SP9: variants seen among roughly 807,000 people sequenced by gnomAD.
The protein encoded by SP9 is Sp9 transcription factor.
SP9 carries 5 observed loss-of-function variants against 23.0 expected under a neutral mutation model. That is an observed-to-expected ratio of 0.22 (90% confidence interval 0.11 to 0.46). SP9 has a LOEUF of 0.46. Among genes scored for constraint, SP9 ranks in the 20% least tolerant of loss-of-function variants. SP9 has a pLI of 0.99. For synonymous variants in SP9, 360 were observed against 356.5 expected (o/e 1.01, Z -0.11); for missense variants, 542 against 724.0 (o/e 0.75, Z 2.88).
In SP9 at chr2:174,338,267, T is replaced by G. The variant is rs1684451959; in HGVS notation, c.*727T>G. 1 of 152,222 alleles carries G rather than the reference T, an allele frequency of 6.6e-6. No homozygotes were observed. The highest frequency in any genetic ancestry group is 2.1e-4 in the South Asian group (1 of 4,834). 9.4% of individuals were successfully genotyped at this position (152,222 alleles called of 1,614,324 possible). On this transcript the variant is annotated 3_prime_UTR_variant, in exon 2 of 2. Transcript: ENST00000394967. ...CTTTTATTTTCTTGTAAATGTTCATTCGAATAGAGTTTTTTTGGGTGAATC... is the reference window on the plus strand; with the variant it reads ...CTTTTATTTTCTTGTAAATGTTCATGCGAATAGAGTTTTTTTGGGTGAATC...
In SP9 at chr2:174,336,645, C is replaced by T; in HGVS notation, c.560C>T (p.Pro187Leu). The change falls in exon 2 of 2, where the codon CCG (proline) becomes CTG (leucine). Residue 187 changes from proline (P) to leucine (L), a missense_variant. Pro to Leu is a moderately conservative substitution (Grantham distance 98, BLOSUM62 -3). Around this residue, in one of 8 missense-constraint regions of SP9, gnomAD observed 144 missense variants for 158.7 expected, o/e 0.91. Transcript: ENST00000394967. ...TCGTGGTGGGACGTGCACAGCAGCC[C>T]GGGCTCGTGGCTGGAAGTGCAGAAC... ...ASSWWDVHSS[P>L]GSWLEVQNPA... 1 of 1,494,482 alleles carries T rather than the reference C, an allele frequency of 6.7e-7. No homozygotes were observed. Among genetic ancestry groups the T allele is most frequent in the Non-Finnish European group, 8.9e-7 (1 of 1,127,020 alleles). The allele number at this position is 1,494,482 out of a possible 1,614,324, so 92.6% of individuals were successfully genotyped here.
rs35548534 is a variant in SP9, at chr2:174,336,175, G to C, written c.90G>C (p.Thr30=). The change falls in exon 2 of 2, where the codon ACG becomes ACC. Residue 30 remains threonine, a synonymous_variant. Coordinates refer to ENST00000394967, the MANE Select transcript of SP9 (RefSeq NM_001145250.2). The part of the protein sequence containing the change: ...LAATCNKIGN[T]SPLTTLPESS... Reference sequence around the variant, plus strand: ...CGACCTGCAACAAGATCGGCAACACGAGCCCGCTGACGACGCTGCCAGAGT... The same window carrying C: ...CGACCTGCAACAAGATCGGCAACACCAGCCCGCTGACGACGCTGCCAGAGT... The C allele has an allele frequency of 0.26, 407,808 of 1,550,342 alleles. 57,195 individuals are homozygous for C. Among genetic ancestry groups the C allele is most frequent in the Non-Finnish European group, 0.29 (334,079 of 1,146,366 alleles).
chr2:174,335,170 A>G, intron 1 of SP9, 57 bp downstream of exon 1: 2 of 1,543,638 alleles, frequency 1.3e-6, no homozygotes, highest in Non-Finnish European at 1.8e-6. Flanking sequence ...ATTTTTCGTT[A>G]TGGCTTCTGG....
rs146337666 is a variant in SP9 at position 174,335,290 on chromosome 2, G to T, written c.21+177G>T. On this transcript the variant is annotated intron_variant, in intron 1 of 1. Coordinates refer to ENST00000394967, the MANE Select transcript of SP9 (RefSeq NM_001145250.2). Reference sequence around the variant, plus strand: ...TCCCCAAGTTTTTGGAACCCAGAAAGATGCCTTTGCAAGAAAAGGCCTTCT... The same window carrying T: ...TCCCCAAGTTTTTGGAACCCAGAAATATGCCTTTGCAAGAAAAGGCCTTCT... The T allele has an allele frequency of 2.4e-4, 146 of 606,492 alleles. 1 individual carries two copies. In the East Asian group the frequency reaches 3.9e-3, roughly 16 times the overall value. The allele number at this position is 606,492 out of a possible 1,614,324, so 37.6% of individuals were successfully genotyped here. A position where few individuals can be genotyped will look rare whatever the true frequency, so the allele number is the denominator to read the frequency against.
At position 174,335,020 on chromosome 2, in the gene SP9, C is replaced by T. The variant is rs554003550; in HGVS notation, c.-73C>T. 19 of 1,520,682 alleles carry T rather than the reference C, an allele frequency of 1.2e-5. No individual in the cohort carries two copies. Among genetic ancestry groups the T allele is most frequent in the African/African-American group, 2.8e-5 (2 of 72,546 alleles). 94.2% of individuals were successfully genotyped at this position (1,520,682 alleles called of 1,614,324 possible). On this transcript the variant is annotated 5_prime_UTR_variant, in exon 1 of 2. Coordinates refer to ENST00000394967, the MANE Select transcript of SP9 (RefSeq NM_001145250.2). ...GCGGGGACGCGGGAGCCGCGCGGGA[C>T]CCAAGCAGTTTTTCCGAGCAGCCGC...
At position 174,337,446 on chromosome 2, in the gene SP9, GGGCGGCGGCAGCGGC is replaced by G. The variant is rs778817750; in HGVS notation, c.1386_1400del (p.Ala466_Ala470del). On this transcript the variant is annotated inframe_deletion, in exon 2 of 2. Coordinates refer to ENST00000394967, the MANE Select transcript of SP9 (RefSeq NM_001145250.2). ...CATGACTCCGGCGTCAGTGCCGCCC[GGGCGGCGGCAGCGGC>G]GGCGGCGGCAGCGGCGGCGGCGGCG... 26,473 of 1,314,248 alleles carry G rather than the reference GGGCGGCGGCAGCGGC, an allele frequency of 0.02. 2,604 individuals carry two copies. The highest frequency in any genetic ancestry group is 0.1 in the East Asian group (3,381 of 32,954). The allele number at this position is 1,314,248 out of a possible 1,614,324, so 81.4% of individuals were successfully genotyped here. A position where few individuals can be genotyped will look rare whatever the true frequency, so the allele number is the denominator to read the frequency against.
chr2:174,337,453 GGCA>G lies in SP9; in HGVS notation c.1371_1373del (p.Ala470del), dbSNP rs1396127804. 6.4e-6 allele frequency: 8 copies of G among 1,247,772 alleles called. No homozygotes were observed. Among genetic ancestry groups the G allele is most frequent in the African/African-American group, 1.6e-5 (1 of 62,848 alleles). The allele number at this position is 1,247,772 out of a possible 1,614,324, so 77.3% of individuals were successfully genotyped here. On this transcript the variant is annotated inframe_deletion, in exon 2 of 2. Coordinates refer to ENST00000394967, the MANE Select transcript of SP9 (RefSeq NM_001145250.2). ...CCGGCGTCAGTGCCGCCCGGGCGGC[GGCA>G]GCGGCGGCGGCGGCAGCGGCGGCGG...
Position 174,335,099 on chromosome 2 carries a change from A to G in SP9, c.7A>G (p.Thr3Ala). The G allele has an allele frequency of 6.4e-7, 1 of 1,551,746 alleles. No individual in the cohort carries two copies. Among genetic ancestry groups the G allele is most frequent in the Non-Finnish European group, 8.7e-7 (1 of 1,146,984 alleles). The change falls in exon 1 of 2, where the codon ACG becomes GCG. Residue 3 changes from threonine (T) to alanine (A), a missense_variant. Around this residue, in one of 8 missense-constraint regions of SP9, gnomAD observed 201 missense variants for 226.3 expected, o/e 0.89. Transcript: ENST00000394967. Reference protein sequence around the residue: MATSILGEEPRFG... With the variant: MAASILGEEPRFG... ...GCGCAGCCAGAGACCTGCTATGGCCACGTCTATACTCGGGGTAAGTCGCAA... is the reference window on the plus strand; with the variant it reads ...GCGCAGCCAGAGACCTGCTATGGCCGCGTCTATACTCGGGGTAAGTCGCAA...
In SP9 at chr2:174,337,896, C is replaced by G. The variant is rs1684446815; in HGVS notation, c.*356C>G. The G allele has an allele frequency of 6.5e-6, 1 of 154,438 alleles. No homozygotes were observed. The highest frequency in any genetic ancestry group is 2.4e-5 in the African/African-American group (1 of 41,492). The allele number at this position is 154,438 out of a possible 1,614,324, so 9.6% of individuals were successfully genotyped here. On this transcript the variant is annotated 3_prime_UTR_variant, in exon 2 of 2. Coordinates refer to ENST00000394967, the MANE Select transcript of SP9 (RefSeq NM_001145250.2). ...GCGCGCGCACACACATACCACTCGC[C>G]CAAACTTCTCGAGCGAAGAGCAATA...
At position 174,336,711 on chromosome 2, in the gene SP9, C is replaced by G; in HGVS notation, c.626C>G (p.Pro209Arg). 2 of 1,526,844 alleles carry G rather than the reference C, an allele frequency of 1.3e-6. No homozygotes were observed. Among genetic ancestry groups the G allele is most frequent in the Non-Finnish European group, 1.7e-6 (2 of 1,143,062 alleles). 94.6% of individuals were successfully genotyped at this position (1,526,844 alleles called of 1,614,324 possible). A position where few individuals can be genotyped will look rare whatever the true frequency, so the allele number is the denominator to read the frequency against. Reference sequence around the variant, plus strand: ...CAGAGCTCGCTGCACTCGGGCGCCCCCCAGGCCTCGCTGCACTCGCAGCTG... The same window carrying G: ...CAGAGCTCGCTGCACTCGGGCGCCCGCCAGGCCTCGCTGCACTCGCAGCTG... ...GLQSSLHSGA[P>R]QASLHSQLGT... Residue 209 changes from proline (P) to arginine (R), a missense_variant, in exon 2 of 2, where the codon CCC becomes CGC. Pro to Arg is a moderately radical substitution (Grantham distance 103, BLOSUM62 -2). Transcript: ENST00000394967.
Position 174,336,520 on chromosome 2 carries a change from G to A in SP9, c.435G>A (p.Leu145=), listed in dbSNP as rs1173574990. Residue 145 remains leucine (L), a synonymous_variant, in exon 2 of 2, where the codon CTG becomes CTA. Coordinates refer to ENST00000394967, the MANE Select transcript of SP9 (RefSeq NM_001145250.2). ...TGCACACGACGGCAGCCGACGGGCTGTACCCGCGCGTGGGCATGGCGCACC... is the reference window on the plus strand; with the variant it reads ...TGCACACGACGGCAGCCGACGGGCTATACCCGCGCGTGGGCATGGCGCACC... ...SKVHTTAADG[L]YPRVGMAHPY... 1 of 1,450,262 alleles carries A rather than the reference G, an allele frequency of 6.9e-7. No homozygotes were observed. The highest frequency in any genetic ancestry group is 2.7e-5 in the Admixed American group (1 of 36,818). 89.8% of individuals were successfully genotyped at this position (1,450,262 alleles called of 1,614,324 possible).
At position 174,337,700 on chromosome 2, in the gene SP9, TG is replaced by T. The variant is rs898060746; in HGVS notation, c.*161del. 1 of 931,422 alleles carries T rather than the reference TG, an allele frequency of 1.1e-6. No individual in the cohort carries two copies. Among genetic ancestry groups the T allele is most frequent in the Non-Finnish European group, 1.3e-6 (1 of 765,050 alleles). 57.7% of individuals were successfully genotyped at this position (931,422 alleles called of 1,614,324 possible). On this transcript the variant is annotated 3_prime_UTR_variant, in exon 2 of 2. Transcript: ENST00000394967. Reference sequence around the variant, plus strand: ...GTGGAGCCGCTCAGGGCTCCCGGGCTGCGGTTCGCCCGCTGTGCGAGGAGCT... The same window carrying T: ...GTGGAGCCGCTCAGGGCTCCCGGGCTCGGTTCGCCCGCTGTGCGAGGAGCT...
At position 174,338,370 on chromosome 2, in the gene SP9, TGTTGA is replaced by T. The variant is rs1406592911; in HGVS notation, c.*834_*838del. On this transcript the variant is annotated 3_prime_UTR_variant, in exon 2 of 2. Coordinates refer to ENST00000394967, the MANE Select transcript of SP9 (RefSeq NM_001145250.2). ...GTATATATGTAAAAGATATTTAAAA[TGTTGA>T]GTTATCATTTCACTCACAAACACGT... is the stretch of plus-strand genomic sequence containing the variant. The T allele has an allele frequency of 3.3e-5, 5 of 152,368 alleles. No homozygotes were observed. Among genetic ancestry groups the T allele is most frequent in the African/African-American group, 1.2e-4 (5 of 41,590 alleles). 9.4% of individuals were successfully genotyped at this position (152,368 alleles called of 1,614,324 possible). A position where few individuals can be genotyped will look rare whatever the true frequency, so the allele number is the denominator to read the frequency against.
chr2:174,337,500 C>T lies in SP9; in HGVS notation c.1415C>T (p.Ala472Val). Residue 472 changes from alanine to valine, a missense_variant, in exon 2 of 2, where the codon GCG (alanine) becomes GTG (valine). Coordinates refer to ENST00000394967, the MANE Select transcript of SP9 (RefSeq NM_001145250.2). ...AAAAAAAAAS[A>V]GGKEAASGPN... is the part of the protein sequence containing the mutation. ...GCGGCGGCGGCGGCGGCGGCCTCCGCGGGAGGCAAGGAAGCAGCGTCTGGC... is the reference window on the plus strand; with the variant it reads ...GCGGCGGCGGCGGCGGCGGCCTCCGTGGGAGGCAAGGAAGCAGCGTCTGGC... 8.4e-7 allele frequency: 1 copy of T among 1,189,786 alleles called. No homozygotes were observed. The highest frequency in any genetic ancestry group is 3.9e-5 in the East Asian group (1 of 25,464). 73.7% of individuals were successfully genotyped at this position (1,189,786 alleles called of 1,614,324 possible). A position where few individuals can be genotyped will look rare whatever the true frequency, so the allele number is the denominator to read the frequency against.
chr2:174,336,456 C>T lies in SP9; in HGVS notation c.371C>T (p.Pro124Leu). 1 of 1,479,172 alleles carries T rather than the reference C, an allele frequency of 6.8e-7. No individual in the cohort carries two copies. The highest frequency in any genetic ancestry group is 8.9e-7 in the Non-Finnish European group (1 of 1,121,620). The allele number at this position is 1,479,172 out of a possible 1,614,324, so 91.6% of individuals were successfully genotyped here. The change falls in exon 2 of 2, where the codon CCG becomes CTG. Residue 124 changes from proline (P) to leucine (L), a missense_variant. Physicochemically the swap from Pro to Leu is moderately conservative, Grantham distance 98. Coordinates refer to ENST00000394967, the MANE Select transcript of SP9 (RefSeq NM_001145250.2). ...AAAAAAAGVS[P>L]QEAGGQSAFI... The stretch of plus-strand genomic sequence containing the variant: ...GCGGCGGCAGCGGCCGGGGTGTCCC[C>T]GCAGGAGGCGGGTGGCCAGTCGGCC...
At position 174,337,638 on chromosome 2, in the gene SP9, C is replaced by T. The variant is rs966222846; in HGVS notation, c.*98C>T. ...CGAGCGGGAGGCGGGAGGGCAGGGGCTTCAGTGACGCCCCCAGGGCCCGGG... is the reference window on the plus strand; with the variant it reads ...CGAGCGGGAGGCGGGAGGGCAGGGGTTTCAGTGACGCCCCCAGGGCCCGGG... On this transcript the variant is annotated 3_prime_UTR_variant, in exon 2 of 2. Coordinates refer to ENST00000394967, the MANE Select transcript of SP9 (RefSeq NM_001145250.2). The T allele has an allele frequency of 8.6e-6, 9 of 1,045,704 alleles. No homozygotes were observed. The African/African-American group carries it at 1.0e-4, about 12-fold the overall frequency. The allele number at this position is 1,045,704 out of a possible 1,614,324, so 64.8% of individuals were successfully genotyped here. A position where few individuals can be genotyped will look rare whatever the true frequency, so the allele number is the denominator to read the frequency against.
intron 1 of SP9, chr2:174,335,517 T>G: frequency 5.0e-6 from 1 of 200,820 alleles, no homozygotes; most frequent in East Asian, 1.2e-4. Flanking sequence ...GGCTCCCCAA[T>G]TCGCCCATGA....
In SP9 at chr2:174,336,831, C is replaced by G; in HGVS notation, c.746C>G (p.Ser249Cys). 6.6e-7 allele frequency: 1 copy of G among 1,526,490 alleles called. No individual in the cohort carries two copies. Among genetic ancestry groups the G allele is most frequent in the Non-Finnish European group, 8.8e-7 (1 of 1,142,826 alleles). The allele number at this position is 1,526,490 out of a possible 1,614,324, so 94.6% of individuals were successfully genotyped here. A position where few individuals can be genotyped will look rare whatever the true frequency, so the allele number is the denominator to read the frequency against. Residue 249 changes from serine to cysteine, a missense_variant, in exon 2 of 2, where the codon TCC becomes TGC. Transcript: ENST00000394967. ...SSAAAASHLLSTSQHLLAQDG... is the reference protein window; with the variant it reads ...SSAAAASHLLCTSQHLLAQDG... ...GCCGCCGCCGCCTCCCACCTGCTCT[C>G]CACCAGCCAGCACCTGCTGGCCCAG...
rs1477304668 is a variant in SP9 at position 174,336,514 on chromosome 2, C to T, written c.429C>T (p.Asp143=). ...CCAAGGTGCACACGACGGCAGCCGA[C>T]GGGCTGTACCCGCGCGTGGGCATGG... ...FISKVHTTAA[D]GLYPRVGMAH... Residue 143 remains aspartate, a synonymous_variant, in exon 2 of 2, where the codon GAC becomes GAT. Transcript: ENST00000394967. The T allele has an allele frequency of 2.7e-6, 4 of 1,454,886 alleles. No homozygotes were observed. Among genetic ancestry groups the T allele is most frequent in the South Asian group, 2.8e-5 (2 of 72,716 alleles). 90.1% of individuals were successfully genotyped at this position (1,454,886 alleles called of 1,614,324 possible).
Sources: allele counts gnomAD v4.1 joint callset, GRCh38; gene constraint gnomAD v4.1.1; regional missense constraint gnomAD v4.1.1; transcripts MANE v1.5; gene names NCBI Gene and HGNC (gene_info 2026-07-23, HGNC 2026-07-21).